MAF: variants seen among roughly 807,000 people sequenced by gnomAD.
MAF encodes the protein transcription factor Maf.
A neutral mutation model predicts 22.0 loss-of-function variants in MAF; 10 were observed. That is an observed-to-expected ratio of 0.45 (90% CI 0.28 to 0.77). The LOEUF (loss-of-function observed/expected upper bound fraction) is 0.77. Among genes scored for constraint, MAF ranks in the 30% least tolerant of loss-of-function variants. MAF has a pLI of 0.12. For synonymous variants in MAF, 337 were observed against 255.8 expected (o/e 1.32, Z -3.03); for missense variants, 544 against 548.4 (o/e 0.99, Z 0.08).
At chr16:79,539,923 G>C in the MAF span, among the ~76,000 whole-genome samples, 1 of 152,124 alleles carries the variant, frequency 6.6e-6, no homozygotes, top group African/African-American at 2.4e-5. Flanking sequence ...GTGATTTTTA[G>C]CTTTTCCTAT....
the MAF span, among the ~76,000 whole-genome samples, chr16:79,433,882 A>G: frequency 6.6e-6 from 1 of 152,064 alleles, no homozygotes; most frequent in Non-Finnish European, 1.5e-5. Flanking sequence ...GTCCCCTCGC[A>G]CTCCTACATA....
the MAF span, among the ~76,000 whole-genome samples, chr16:79,530,223 A>C: frequency 0.7 from 106,469 of 152,058 alleles, 40,895 homozygotes; most frequent in Non-Finnish European, 0.86. Context: ...AACACACCTG[A>C]AGATTCCCAT....
chr16:79,271,945 C>G, the MAF span, among the ~76,000 whole-genome samples: 79 of 152,302 alleles, frequency 5.2e-4, no homozygotes, highest in African/African-American at 1.9e-3. Context: ...AACGGGGGCC[C>G]ACACAGGATA....
At chr16:79,463,957 A>T in the MAF span, among the ~76,000 whole-genome samples, 1 of 135,618 alleles carries the variant, frequency 7.4e-6, no homozygotes, top group Non-Finnish European at 1.6e-5. Context: ...AACCCTGGAA[A>T]GAGCTGAGGC....
At chr16:79,589,423 C>G (rs1913053604), downstream of MAF, among the ~76,000 whole-genome samples, 1 of 152,114 alleles carries the variant, frequency 6.6e-6, no homozygotes, top group Non-Finnish European at 1.5e-5. Flanking sequence ...TTTAAACATG[C>G]TATCTGGATT....
the MAF span, among the ~76,000 whole-genome samples, chr16:79,429,531 CAG>C: frequency 2.6e-5 from 4 of 152,146 alleles, no homozygotes; most frequent in African/African-American, 9.7e-5. Flanking sequence ...AAGGAAGCAG[CAG>C]AGAGAGGGAG....
At chr16:79,380,264 C>T in the MAF span, among the ~76,000 whole-genome samples, 1 of 152,166 alleles carries the variant, frequency 6.6e-6, no homozygotes, top group South Asian at 2.1e-4. Context: ...TGCTTATTGA[C>T]TGTGAATCCT....
At chr16:79,540,537 C>G in the MAF span, among the ~76,000 whole-genome samples, 1 of 152,136 alleles carries the variant, frequency 6.6e-6, no homozygotes, top group Non-Finnish European at 1.5e-5. Context: ...GCTTCCTCTC[C>G]CATCAGCACC....
the MAF span, among the ~76,000 whole-genome samples, chr16:79,457,930 C>T: frequency 1.3e-5 from 2 of 152,190 alleles, no homozygotes; most frequent in Admixed American, 6.5e-5. Context: ...TTCCTTATCC[C>T]AAAATGTTGA....
chr16:79,398,528 G>C, the MAF span, among the ~76,000 whole-genome samples: 1 of 152,078 alleles, frequency 6.6e-6, no homozygotes, highest in African/African-American at 2.4e-5. Flanking sequence ...TTGCCTTCCA[G>C]GACTCATGGA....
chr16:79,221,813 G>A, the MAF span, among the ~76,000 whole-genome samples: 7 of 151,194 alleles, frequency 4.6e-5, no homozygotes, highest in East Asian at 3.9e-4. Flanking sequence ...TTCAAAAACC[G>A]CATGAACAGA....
chr16:79,507,223 C>T, the MAF span, among the ~76,000 whole-genome samples: 2 of 150,128 alleles, frequency 1.3e-5, no homozygotes, highest in African/African-American at 4.9e-5. Flanking sequence ...ATGCCATTCT[C>T]TTGCCTCAGC....
chr16:79,416,305 G>T, the MAF span, among the ~76,000 whole-genome samples: 1 of 152,126 alleles, frequency 6.6e-6, no homozygotes, highest in South Asian at 2.1e-4. Context: ...CATTCATTTA[G>T]CCATGAGTTA....
chr16:79,496,879 A>T, the MAF span, among the ~76,000 whole-genome samples: 10 of 152,278 alleles, frequency 6.6e-5, no homozygotes, highest in African/African-American at 2.4e-4. Context: ...AATCCCTCTG[A>T]TTATTATTTT....
the MAF span, among the ~76,000 whole-genome samples, chr16:79,425,543 A>G: frequency 2.6e-5 from 4 of 152,234 alleles, no homozygotes; most frequent in South Asian, 8.3e-4. Context: ...CTCGAGTTTA[A>G]AACATAGTTG....
chr16:79,377,320 G>A, the MAF span, among the ~76,000 whole-genome samples: 1 of 152,220 alleles, frequency 6.6e-6, no homozygotes, highest in Admixed American at 6.5e-5. Flanking sequence ...CTGCATAAAT[G>A]TCTTCTTTTG....
chr16:79,219,973 C>G, the MAF span, among the ~76,000 whole-genome samples: 1 of 152,218 alleles, frequency 6.6e-6, no homozygotes, highest in East Asian at 1.9e-4. Context: ...TTCTGTTAAA[C>G]AAAATGTACT....
In MAF at chr16:79,599,308, C is replaced by T; in HGVS notation, c.595G>A (p.Ala199Thr). Reference sequence around the variant, plus strand: ...GCCGCGCTGCCCGCGGCGCCGGGCGCGCCGGCCGTCGGGTGGTGGTGGTGG... The same window carrying T: ...GCCGCGCTGCCCGCGGCGCCGGGCGTGCCGGCCGTCGGGTGGTGGTGGTGG... The part of the protein sequence containing the change: ...AGHHHHPTAG[A>T]PGAAGSAAAS... Residue 199 changes from alanine (A) to threonine (T), a missense_variant, in exon 1 of 2, where the codon GCG (alanine) becomes ACG (threonine). By Grantham distance (58) the Ala-to-Thr change is moderately conservative. Coordinates refer to ENST00000326043, the MANE Select transcript of MAF (RefSeq NM_005360.5). The T allele has an allele frequency of 1.0e-6, 1 of 981,632 alleles. No individual in the cohort carries two copies. Among genetic ancestry groups the T allele is most frequent in the Non-Finnish European group, 1.2e-6 (1 of 829,270 alleles). The allele number at this position is 981,632 out of a possible 1,614,324, so 60.8% of individuals were successfully genotyped here. A position where few individuals can be genotyped will look rare whatever the true frequency, so the allele number is the denominator to read the frequency against.
the MAF span, among the ~76,000 whole-genome samples, chr16:79,427,624 CCTCTCAAATCG>C: frequency 6.6e-6 from 1 of 152,012 alleles, no homozygotes; most frequent in Non-Finnish European, 1.5e-5. Flanking sequence ...CCCCGAAGGC[CCTCTCAAATCG>C]CTCTCCATTT....
Sources: allele counts gnomAD v4.1 joint callset (sites outside exome capture counted in the v4.1 genomes callset), GRCh38; gene constraint gnomAD v4.1.1; transcripts MANE v1.5; gene names NCBI Gene and HGNC (gene_info 2026-07-23, HGNC 2026-07-21).